Variants in ANKRD31 observed in about 807,000 individuals in gnomAD.
ANKRD31 encodes the protein ankyrin repeat domain-containing protein 31.
A neutral mutation model predicts 186.0 loss-of-function variants in ANKRD31; 147 were observed. The observed-to-expected ratio is 0.79, with a 90% CI of 0.69 to 0.91. ANKRD31 has a LOEUF of 0.91. ANKRD31 is among the 40% of genes least tolerant of loss of function. The pLI is 0.00. For synonymous variants in ANKRD31, 673 were observed against 736.4 expected, an observed-to-expected ratio of 0.91 and a Z score of 1.39; for missense variants, 1,986 against 2,148.8, an observed-to-expected ratio of 0.92 and a Z score of 1.50.
At chr5:75,186,759 G>T (rs1256674304) in intron 10 of ANKRD31, among the ~76,000 whole-genome samples, 1 of 151,914 alleles carries the variant, frequency 6.6e-6, no homozygotes, top group African/African-American at 2.4e-5. Context: ...ACGTAAATGA[G>T]GACTTATAAA....
chr5:75,128,396 TATA>T (rs1749432309), intron 17 of ANKRD31, among the ~76,000 whole-genome samples: 1 of 46,684 alleles, frequency 2.1e-5, no homozygotes, highest in Non-Finnish European at 3.4e-5. Flanking sequence ...ATCCCAAAAG[TATA>T]ATAAAAATAA....
At chr5:75,232,996 T>C (rs1213674202) in intron 1 of ANKRD31, among the ~76,000 whole-genome samples, 1 of 152,214 alleles carries the variant, frequency 6.6e-6, no homozygotes, top group Non-Finnish European at 1.5e-5. Context: ...TTTCCACAAC[T>C]GCCTCTCTTT....
chr5:75,187,319 T>C (rs1191052860), intron 10 of ANKRD31, among the ~76,000 whole-genome samples: 1 of 150,858 alleles, frequency 6.6e-6, no homozygotes, highest in Non-Finnish European at 1.5e-5. Context: ...AACAAGTGAG[T>C]TCAAAATGCA....
chr5:75,229,757 C>T (rs1479195322), intron 2 of ANKRD31, among the ~76,000 whole-genome samples: 1 of 149,904 alleles, frequency 6.7e-6, no homozygotes. Flanking sequence ...CCCAGCTACT[C>T]GCGAGGCTGA....
At chr5:75,094,688 T>C (rs1164735813) in intron 22 of ANKRD31, among the ~76,000 whole-genome samples, 7 of 152,034 alleles carry the variant, frequency 4.6e-5, no homozygotes, top group African/African-American at 1.7e-4. Flanking sequence ...ACAATATTAA[T>C]AACAATATGA....
intron 11 of ANKRD31, among the ~76,000 whole-genome samples, chr5:75,161,467 T>C (rs368985069): frequency 3.3e-5 from 5 of 152,180 alleles, no homozygotes; most frequent in African/African-American, 1.2e-4. Context: ...TTCAGTTTTA[T>C]ACAGGAAGCA....
chr5:75,169,238 A>G (rs1753144642), intron 10 of ANKRD31, 117 bp from the exon 11 acceptor site: 16 of 1,215,476 alleles, frequency 1.3e-5, no homozygotes, highest in Non-Finnish European at 1.8e-5. Context: ...TTTTGATTAT[A>G]TGAGTCAAGA....
At chr5:75,204,034 A>G (rs951156474) in intron 5 of ANKRD31, among the ~76,000 whole-genome samples, 1 of 152,178 alleles carries the variant, frequency 6.6e-6, no homozygotes, top group Non-Finnish European at 1.5e-5. Flanking sequence ...CATTTGTTTA[A>G]TGGTCAATTT....
At chr5:75,116,936 T>C (rs989523871) in intron 18 of ANKRD31, among the ~76,000 whole-genome samples, 3 of 152,154 alleles carry the variant, frequency 2.0e-5, no homozygotes, top group Admixed American at 2.0e-4. Context: ...GTAGGTAGTT[T>C]ATTATATCCA....
intron 15 of ANKRD31, among the ~76,000 whole-genome samples, chr5:75,139,591 A>C (rs1750857114): frequency 6.6e-6 from 1 of 152,190 alleles, no homozygotes; most frequent in Non-Finnish European, 1.5e-5. Context: ...AAGAAATTTT[A>C]AAGTACCATA....
At position 75,195,944 on chromosome 5, in the gene ANKRD31, T is replaced by C; in HGVS notation, c.704A>G (p.Gln235Arg). The part of the protein sequence containing the change: ...ESLLTSPEST[Q>R]EERLFELVSD... ...TACTAATTCAAACAATCTTTCCTCC[T>C]GGGTGCTTTCTGGTGATGTAAGTAA... Residue 235 changes from glutamine to arginine, a missense_variant, in exon 7 of 26, where the codon CAG (glutamine) becomes CGG (arginine). Coordinates refer to ENST00000506364, the MANE Select transcript of ANKRD31 (RefSeq NM_001372053.1). The C allele has an allele frequency of 6.5e-7, 1 of 1,534,288 alleles. No homozygotes were observed. Among genetic ancestry groups the C allele is most frequent in the South Asian group, 1.2e-5 (1 of 83,482 alleles).
chr5:75,170,670 C>T (rs1753246576), intron 10 of ANKRD31, among the ~76,000 whole-genome samples: 1 of 152,070 alleles, frequency 6.6e-6, no homozygotes, highest in Admixed American at 6.6e-5. Context: ...CCTTCCTCCT[C>T]CCATAAGTAG....
At chr5:75,119,299 A>G (rs1748561216) in intron 17 of ANKRD31, among the ~76,000 whole-genome samples, 1 of 152,042 alleles carries the variant, frequency 6.6e-6, no homozygotes, top group African/African-American at 2.4e-5. Context: ...TCTCATCTTT[A>G]TGATCATGTG....
At chr5:75,110,184 G>A (rs945537268) in intron 20 of ANKRD31, among the ~76,000 whole-genome samples, 10 of 151,970 alleles carry the variant, frequency 6.6e-5, no homozygotes, top group Non-Finnish European at 1.0e-4. Flanking sequence ...TGATTTTAGA[G>A]GCATTCAAAT....
intron 22 of ANKRD31, among the ~76,000 whole-genome samples, chr5:75,102,560 T>C (rs1366547385): frequency 6.6e-6 from 1 of 152,232 alleles, no homozygotes; most frequent in Non-Finnish European, 1.5e-5. Context: ...AAGGCCTCCT[T>C]GAGCTGTGGT....
At chr5:75,113,727 TG>T (rs1449222967) in intron 19 of ANKRD31, among the ~76,000 whole-genome samples, 6 of 152,202 alleles carry the variant, frequency 3.9e-5, no homozygotes, top group African/African-American at 1.4e-4. Context: ...CCTAATTATT[TG>T]GTAAAACAGT....
At chr5:75,176,998 G>A (rs1346552798) in intron 10 of ANKRD31, among the ~76,000 whole-genome samples, 6 of 152,186 alleles carry the variant, frequency 3.9e-5, no homozygotes, top group East Asian at 1.9e-4. Flanking sequence ...AAAATTAGAC[G>A]AATGGATAAC....
At chr5:75,175,432 A>G (rs993553314) in intron 10 of ANKRD31, among the ~76,000 whole-genome samples, 3 of 152,158 alleles carry the variant, frequency 2.0e-5, no homozygotes, top group Non-Finnish European at 4.4e-5. Flanking sequence ...AAAAACCTAT[A>G]GTTAAAATCA....
intron 11 of ANKRD31, among the ~76,000 whole-genome samples, chr5:75,156,148 A>G (rs904698488): frequency 3.9e-5 from 6 of 151,956 alleles, no homozygotes; most frequent in African/African-American, 1.5e-4. Flanking sequence ...CAAGAGATCC[A>G]CTCACCTCGG....
Sources: allele counts gnomAD v4.1 joint callset (sites outside exome capture counted in the v4.1 genomes callset), GRCh38; gene constraint gnomAD v4.1.1; transcripts MANE v1.5; gene names NCBI Gene and HGNC (gene_info 2026-07-23, HGNC 2026-07-21).